GNA15: variants seen among roughly 807,000 people sequenced by gnomAD.
The protein encoded by GNA15 is guanine nucleotide-binding protein subunit alpha-15.
A neutral mutation model predicts 40.1 loss-of-function variants in GNA15; 23 were observed. The ratio of observed to expected loss-of-function variants is 0.57; its 90% CI spans 0.41 to 0.81. The LOEUF is 0.81. GNA15 is among the 40% of genes least tolerant of loss of function. The pLI, the probability that GNA15 is intolerant of heterozygous loss-of-function variation, is 0.00. For synonymous variants in GNA15, 226 were observed against 210.4 expected, an observed-to-expected ratio of 1.07 and a Z score of -0.64; for missense variants, 522 against 515.8, an observed-to-expected ratio of 1.01 and a Z score of -0.12.
At chr19:3,145,357 A>ATTTTTT (rs1425408476) in intron 1 of GNA15, among the ~76,000 whole-genome samples, 19 of 41,668 alleles carry the variant, frequency 4.6e-4, no homozygotes, top group Non-Finnish European at 6.9e-4. Context: ...ATATATATAT[A>ATTTTTT]TATTTTTTTT....
chr19:3,151,682 G>T lies in GNA15; in HGVS notation c.486-25G>T. 6.4e-7 allele frequency: 1 copy of T among 1,551,928 alleles called. No individual in the cohort carries two copies. The highest frequency in any genetic ancestry group is 1.9e-5 in the Admixed American group (1 of 51,852). On this transcript the variant is annotated intron_variant, in intron 3 of 6. Coordinates refer to ENST00000262958, the MANE Select transcript of GNA15 (RefSeq NM_002068.4). This position sits in a 1 kb window ranked among gnomAD's most constrained non-coding sequence, Gnocchi z 5.0. The stretch of plus-strand genomic sequence containing the variant: ...CAAAGGGAGGCTGGCTGCAAGGCTG[G>T]GCCTCAGGACTCCTTGCTCTGCAGC...
chr19:3,150,064 G>T, intron 2 of GNA15, 67 bp from the exon 3 acceptor site: 2 of 1,410,014 alleles, frequency 1.4e-6, no homozygotes, highest in South Asian at 2.4e-5. Context: ...GGGGCTTGCA[G>T]AGATGCCTGC....
intron 1 of GNA15, among the ~76,000 whole-genome samples, chr19:3,144,122 C>T (rs546959959): frequency 7.7e-6 from 1 of 129,698 alleles, no homozygotes; most frequent in South Asian, 2.2e-4. Context: ...AGAAAGACTC[C>T]CTCTCAAAAA....
Position 3,145,359 on chromosome 19 carries a change from A to ATATATATATATATTTTT in GNA15, c.146-3231_146-3230insATATATATATATTTTTT. Among the ~76,000 whole-genome samples the ATATATATATATATTTTT allele has an allele frequency of 3.9e-3, 183 of 46,946 alleles. 1 individual carries two copies. The highest frequency in any genetic ancestry group is 6.0e-3 in the Non-Finnish European group (153 of 25,702). 30.8% of individuals were successfully genotyped at this position (46,946 alleles called of 152,430 possible). The stretch of plus-strand genomic sequence containing the variant: ...TAAATATATATATATATATATATAT[A>ATATATATATATATTTTT]TTTTTTTTTTTTTGTAGAGATGGGG... On this transcript the variant is annotated intron_variant, in intron 1 of 6. Transcript: ENST00000262958.
chr19:3,155,949 G>A lies in GNA15; in HGVS notation c.741G>A (p.Gln247=). 1.2e-6 allele frequency: 2 copies of A among 1,613,840 alleles called. No homozygotes were observed. The highest frequency in any genetic ancestry group is 1.7e-5 in the Admixed American group (1 of 59,988). The part of the protein sequence containing the change: ...EYDQCLEENN[Q]ENRMKESLAL... ...ACCAGTGCCTGGAGGAGAACAACCAGGAGGTGCGCCACCGCCTCCCTCGCC... is the reference window on the plus strand; with the variant it reads ...ACCAGTGCCTGGAGGAGAACAACCAAGAGGTGCGCCACCGCCTCCCTCGCC... Residue 247 remains glutamine (Q), a synonymous_variant, in exon 5 of 7, where the codon CAG becomes CAA. Coordinates refer to ENST00000262958, the MANE Select transcript of GNA15 (RefSeq NM_002068.4). This position sits in a 1 kb window ranked among gnomAD's most constrained non-coding sequence, Gnocchi z 5.6.
chr19:3,139,905 G>A lies in GNA15; in HGVS notation c.145+3310G>A, dbSNP rs148755112. ...AAAAATTAGCCAGGCGTGGTGGTGC[G>A]CACCTGTAGTCCCAGCTACTTGGGA... On this transcript the variant is annotated intron_variant, in intron 1 of 6. Transcript: ENST00000262958. Among the ~76,000 whole-genome samples, 946 of 152,008 alleles carry A rather than the reference G, an allele frequency of 6.2e-3. 24 individuals are homozygous for A. In the East Asian group the frequency reaches 0.097, roughly 16 times the overall value.
Position 3,151,084 on chromosome 19 carries a change from T to A in GNA15, c.486-623T>A, listed in dbSNP as rs1294110642. On this transcript the variant is annotated intron_variant, in intron 3 of 6. Transcript: ENST00000262958. The surrounding 1 kb of genome is among the most constrained non-coding windows in gnomAD (Gnocchi z 5.0). ...GACCTTGTTCCTGGGGGAACCCTAT[T>A]CCTAGAGAACCCTGTTCCCGGAGTG... Among the ~76,000 whole-genome samples, 1 of 151,754 alleles carries A rather than the reference T, an allele frequency of 6.6e-6. No individual in the cohort carries two copies. Among genetic ancestry groups the A allele is most frequent in the Non-Finnish European group, 1.5e-5 (1 of 67,824 alleles).
Position 3,155,903 on chromosome 19 carries a change from T to C in GNA15, c.695T>C (p.Leu232Pro), listed in dbSNP as rs1295511630. 6.2e-7 allele frequency: 1 copy of C among 1,613,756 alleles called. No individual in the cohort carries two copies. Among genetic ancestry groups the C allele is most frequent in the Non-Finnish European group, 8.5e-7 (1 of 1,179,796 alleles). The change falls in exon 5 of 7, where the codon CTG becomes CCG. Residue 232 changes from leucine (L) to proline (P), a missense_variant. Coordinates refer to ENST00000262958, the MANE Select transcript of GNA15 (RefSeq NM_002068.4). The surrounding 1 kb of genome is among the most constrained non-coding windows in gnomAD (Gnocchi z 5.6). ...GAGAACGTGATCGCCCTCATCTACC[T>C]GGCCTCACTGAGTGAATACGACCAG... ...CFENVIALIYLASLSEYDQCL... is the reference protein window; with the variant it reads ...CFENVIALIYPASLSEYDQCL...
chr19:3,143,567 G>A (rs1025902952), intron 1 of GNA15, among the ~76,000 whole-genome samples: 4 of 152,056 alleles, frequency 2.6e-5, no homozygotes, highest in African/African-American at 7.2e-5. Context: ...CAGGAGAATC[G>A]CTTGAAACCC....
At chr19:3,145,850 G>A (rs1599322272) in intron 1 of GNA15, among the ~76,000 whole-genome samples, 1 of 151,576 alleles carries the variant, frequency 6.6e-6, no homozygotes, top group East Asian at 2.0e-4. Context: ...GCCCAGCCGA[G>A]AAAAGCCTGT....
Position 3,136,374 on chromosome 19 carries a change from C to T in GNA15, c.-77C>T, listed in dbSNP as rs768015037. On this transcript the variant is annotated 5_prime_UTR_variant, in exon 1 of 7. Transcript: ENST00000262958. The surrounding 1 kb of genome is among the most constrained non-coding windows in gnomAD (Gnocchi z 4.9). Reference sequence around the variant, plus strand: ...GGTTGCCCGGAGCCCTCTCCAGGGCCGGCTGGGCTGGGGGTTGCCCTGGCC... The same window carrying T: ...GGTTGCCCGGAGCCCTCTCCAGGGCTGGCTGGGCTGGGGGTTGCCCTGGCC... 19 of 1,448,374 alleles carry T rather than the reference C, an allele frequency of 1.3e-5. No individual in the cohort carries two copies. Among genetic ancestry groups the T allele is most frequent in the African/African-American group, 2.9e-5 (2 of 69,680 alleles). The allele number at this position is 1,448,374 out of a possible 1,614,324, so 89.7% of individuals were successfully genotyped here. A position where few individuals can be genotyped will look rare whatever the true frequency, so the allele number is the denominator to read the frequency against.
Position 3,144,692 on chromosome 19 carries a change from T to C in GNA15, c.146-3899T>C, listed in dbSNP as rs866203974. Among the ~76,000 whole-genome samples the C allele has an allele frequency of 3.3e-3, 414 of 127,266 alleles. 2 individuals are homozygous for C. Among genetic ancestry groups the C allele is most frequent in the Admixed American group, 8.8e-3 (107 of 12,188 alleles). 83.5% of individuals were successfully genotyped at this position (127,266 alleles called of 152,430 possible). On this transcript the variant is annotated intron_variant, in intron 1 of 6. Transcript: ENST00000262958. ...TACAGGCGCCCGCCACCATGCCCGG[T>C]TAATTTTTTGTATTTTTAGTAGAGA...
intron 6 of GNA15, among the ~76,000 whole-genome samples, chr19:3,160,211 T>C (rs542871897): frequency 1.3e-5 from 2 of 152,072 alleles, no homozygotes; most frequent in East Asian, 3.9e-4. Context: ...TCTTCCCCCA[T>C]ATGTCTGGTG....
chr19:3,157,692 G>T, intron 5 of GNA15, 36 bp from the exon 6 acceptor site: 1 of 1,598,480 alleles, frequency 6.3e-7, no homozygotes, highest in Non-Finnish European at 8.6e-7. Context: ...CCACCTGGCT[G>T]GTTGAAGCAC....
chr19:3,158,085 C>G (rs1015204699), intron 6 of GNA15, among the ~76,000 whole-genome samples: 2 of 152,252 alleles, frequency 1.3e-5, no homozygotes, highest in South Asian at 2.1e-4. Context: ...AGCAGAGGCC[C>G]TTGGAACTGA....
chr19:3,158,190 A>G (rs912776212), intron 6 of GNA15, among the ~76,000 whole-genome samples: 2 of 152,098 alleles, frequency 1.3e-5, no homozygotes, highest in African/African-American at 4.8e-5. Flanking sequence ...TTGCTCTGTC[A>G]CCAGGCTGGA....
chr19:3,156,851 C>T (rs991185103), intron 5 of GNA15, among the ~76,000 whole-genome samples: 1 of 152,118 alleles, frequency 6.6e-6, no homozygotes, highest in Non-Finnish European at 1.5e-5. Flanking sequence ...CACCCTACTC[C>T]AGTACGACCT....
chr19:3,157,928 C>T (rs1341854254), intron 6 of GNA15, 47 bp downstream of exon 6: 1 of 1,451,482 alleles, frequency 6.9e-7, no homozygotes, highest in African/African-American at 1.4e-5. Flanking sequence ...CCAAAAGCAG[C>T]TCCGAAGAGA....
At chr19:3,138,266 C>CA (rs1026091965) in intron 1 of GNA15, among the ~76,000 whole-genome samples, 398 of 144,680 alleles carry the variant, frequency 2.8e-3, no homozygotes, top group African/African-American at 7.4e-3. Flanking sequence ...AACTCCGTCT[C>CA]AAAAAAAAAA....
Sources: allele counts gnomAD v4.1 joint callset (sites outside exome capture counted in the v4.1 genomes callset), GRCh38; gene constraint gnomAD v4.1.1; non-coding constraint Gnocchi (gnomAD v3.1); transcripts MANE v1.5; gene names NCBI Gene and HGNC (gene_info 2026-07-23, HGNC 2026-07-21).